UST: variants seen among roughly 807,000 people sequenced by gnomAD.
UST encodes uronyl 2-sulfotransferase.
Under a neutral mutation model 45.6 loss-of-function variants are expected in UST, and 21 were observed. The observed-to-expected ratio is 0.46, with a 90% CI of 0.33 to 0.66. The LOEUF is 0.66. Ranked by LOEUF, UST falls within the 30% of genes least tolerant of loss-of-function variation. UST has a pLI of 0.02. For missense variants in UST, 463 were observed against 512.4 expected, an observed-to-expected ratio of 0.90 and a Z score of 0.93; for synonymous variants, 215 against 200.6, an observed-to-expected ratio of 1.07 and a Z score of -0.61.
intron 7 of UST, among the ~76,000 whole-genome samples, chr6:149,049,925 T>TCACACACACA (rs1368206282): frequency 1.6e-4 from 21 of 128,804 alleles, no homozygotes; most frequent in African/African-American, 6.4e-4. Flanking sequence ...TCTCTCTCTC[T>TCACACACACA]CTCTCTCACA....
chr6:149,014,491 G>T (rs1428800602), intron 5 of UST, among the ~76,000 whole-genome samples: 1 of 152,208 alleles, frequency 6.6e-6, no homozygotes, highest in African/African-American at 2.4e-5. Flanking sequence ...AGGGAAGAGA[G>T]TATGCGATGT....
At chr6:148,820,968 CTT>C (rs71007920) in intron 1 of UST, among the ~76,000 whole-genome samples, 24 of 91,214 alleles carry the variant, frequency 2.6e-4, no homozygotes, top group African/African-American at 8.3e-4. Flanking sequence ...TTTTTAATTC[CTT>C]TTTTTTTTTT....
intron 1 of UST, among the ~76,000 whole-genome samples, chr6:148,852,389 A>G (rs1315198753): frequency 1.3e-5 from 2 of 151,990 alleles, no homozygotes; most frequent in African/African-American, 4.8e-5. Flanking sequence ...CTGGATCTGG[A>G]TGTGTGTTTA....
chr6:148,859,715 C>T (rs1366540948), intron 1 of UST, among the ~76,000 whole-genome samples: 17 of 152,022 alleles, frequency 1.1e-4, no homozygotes, highest in African/African-American at 3.9e-4. Flanking sequence ...TACATATGGC[C>T]AGCCAGTTTT....
intron 5 of UST, among the ~76,000 whole-genome samples, chr6:148,965,943 G>A (rs1053956092): frequency 2.7e-5 from 4 of 148,270 alleles, no homozygotes; most frequent in African/African-American, 1.0e-4. Context: ...AGGTTATGAG[G>A]CCGGGCGCAG....
At chr6:148,847,783 A>C (rs1582849422) in intron 1 of UST, among the ~76,000 whole-genome samples, 2 of 152,372 alleles carry the variant, frequency 1.3e-5, no homozygotes, top group South Asian at 4.1e-4. Context: ...TATCTCCAAC[A>C]CAGAGAGCCT....
intron 5 of UST, among the ~76,000 whole-genome samples, chr6:148,964,894 G>T (rs1365682216): frequency 2.6e-5 from 4 of 152,168 alleles, no homozygotes; most frequent in Non-Finnish European, 5.9e-5. Flanking sequence ...AGGTGTTGGG[G>T]GGGTGTCTGT....
At chr6:148,813,783 C>T (rs1777303918) in intron 1 of UST, among the ~76,000 whole-genome samples, 1 of 152,130 alleles carries the variant, frequency 6.6e-6, no homozygotes, top group Admixed American at 6.5e-5. Flanking sequence ...ATTTCTGAGG[C>T]AATGTAAAGC....
chr6:148,841,321 A>G (rs1431784155), intron 1 of UST, among the ~76,000 whole-genome samples: 2 of 152,088 alleles, frequency 1.3e-5, no homozygotes, highest in Non-Finnish European at 2.9e-5. Context: ...TCCTTCTCTT[A>G]TGATTAATTT....
intron 1 of UST, among the ~76,000 whole-genome samples, chr6:148,884,416 CAG>C (rs1171022729): frequency 7.5e-6 from 1 of 133,070 alleles, no homozygotes; most frequent in Non-Finnish European, 1.7e-5. Context: ...CTATTTTAGA[CAG>C]GGTATTCAGA....
intron 1 of UST, among the ~76,000 whole-genome samples, chr6:148,828,081 C>T (rs1029209616): frequency 1.3e-5 from 2 of 151,784 alleles, no homozygotes; most frequent in Admixed American, 6.6e-5. Flanking sequence ...CTGAATTATA[C>T]GTAATTTGAC....
In UST at chr6:148,903,746, A is replaced by G. The variant is rs115896876; in HGVS notation, c.291+16717A>G. 4.6e-3 allele frequency among the ~76,000 whole-genome samples: 697 copies of G among 152,156 alleles called. 8 individuals carry two copies. The highest frequency in any genetic ancestry group is 0.016 in the African/African-American group (663 of 41,490). On this transcript the variant is annotated intron_variant, in intron 2 of 7. Coordinates refer to ENST00000367463, the MANE Select transcript of UST (RefSeq NM_005715.3). Reference sequence around the variant, plus strand: ...ACTCTAATATGCAGGTGACTCTAATATTTTTTCTGGTACTACTGAACCACA... The same window carrying G: ...ACTCTAATATGCAGGTGACTCTAATGTTTTTTCTGGTACTACTGAACCACA...
At chr6:148,907,148 G>A (rs1562296060) in intron 2 of UST, among the ~76,000 whole-genome samples, 1 of 152,300 alleles carries the variant, frequency 6.6e-6, no homozygotes, top group Admixed American at 6.5e-5. Flanking sequence ...CTGTTTGGTA[G>A]GATTAGTGTT....
intron 1 of UST, among the ~76,000 whole-genome samples, chr6:148,770,267 AG>A (rs1053763876): frequency 4.6e-5 from 7 of 151,402 alleles, no homozygotes; most frequent in Non-Finnish European, 1.0e-4. Context: ...TTCAGGGAAA[AG>A]GTGACACTTG....
chr6:148,972,441 G>A (rs921049580), intron 5 of UST, among the ~76,000 whole-genome samples: 5 of 152,228 alleles, frequency 3.3e-5, no homozygotes, highest in African/African-American at 9.6e-5. Flanking sequence ...CGCCTATTTG[G>A]CAGGAGCGGA....
intron 2 of UST, among the ~76,000 whole-genome samples, chr6:148,908,058 G>A (rs796092067): frequency 1.4e-4 from 22 of 152,034 alleles, no homozygotes; most frequent in African/African-American, 5.1e-4. Context: ...ACAGGTGCCT[G>A]CCACCATGCC....
intron 7 of UST, among the ~76,000 whole-genome samples, chr6:149,040,967 T>C (rs953801346): frequency 1.3e-5 from 2 of 152,336 alleles, no homozygotes; most frequent in African/African-American, 4.8e-5. Context: ...TGCTGTGAGA[T>C]ACAGCCTGTG....
chr6:148,915,858 A>T (rs947693667), intron 2 of UST, among the ~76,000 whole-genome samples: 11 of 152,036 alleles, frequency 7.2e-5, no homozygotes, highest in African/African-American at 2.7e-4. Context: ...AAGAAGCAGG[A>T]CTCCTGATTT....
At position 148,978,221 on chromosome 6, in the gene UST, T is replaced by C. The variant is rs1053651566; in HGVS notation, c.681+13658T>C. Among the ~76,000 whole-genome samples, 6 of 152,312 alleles carry C rather than the reference T, an allele frequency of 3.9e-5. No homozygotes were observed. The South Asian group carries it at 1.0e-3, about 26-fold the overall frequency. ...TCTAGTTTTTATAACTCTTATCCAT[T>C]TGTTTTTGTTGTATCTCTAGAACAG... On this transcript the variant is annotated intron_variant, in intron 5 of 7. Coordinates refer to ENST00000367463, the MANE Select transcript of UST (RefSeq NM_005715.3).
Sources: gnomAD v4.1 joint callset for allele counts (sites outside exome capture counted in the v4.1 genomes callset) on GRCh38, gnomAD v4.1.1 for gene constraint, MANE v1.5 for transcripts, NCBI Gene and HGNC (gene_info 2026-07-23, HGNC 2026-07-21) for gene names.